The following RCSD1 variants were observed in gnomAD, a reference collection of about 807,000 sequenced individuals.
RCSD1 encodes the protein capZ-interacting protein.
In RCSD1, 26 loss-of-function variants were observed where a neutral mutation model predicts 42.5. The ratio of observed to expected loss-of-function variants is 0.61; its 90% confidence interval spans 0.45 to 0.85. The LOEUF is 0.85. Among genes scored for constraint, RCSD1 ranks in the 40% least tolerant of loss-of-function variants. RCSD1 has a pLI of 0.00. For missense variants in RCSD1, 571 were observed against 528.3 expected, an observed-to-expected ratio of 1.08 and a Z score of -0.79; for synonymous variants, 220 against 212.2, an observed-to-expected ratio of 1.04 and a Z score of -0.32.
At chr1:167,683,844 G>A in intron 1 of RCSD1, 56 bp from the exon 2 acceptor site, 2 of 1,521,846 alleles carry the variant, frequency 1.3e-6, no homozygotes, top group Middle Eastern at 1.7e-4. Context: ...CAGGTGCCTT[G>A]CATGGCATCT....
At chr1:167,635,523 A>G (rs1193836419) in intron 1 of RCSD1, among the ~76,000 whole-genome samples, 7 of 152,160 alleles carry the variant, frequency 4.6e-5, no homozygotes, top group Admixed American at 3.3e-4. Context: ...GTGGCTCCTC[A>G]CAGCACTGCG....
intron 4 of RCSD1, among the ~76,000 whole-genome samples, chr1:167,691,700 G>A (rs1659381619): frequency 6.6e-6 from 1 of 152,256 alleles, no homozygotes; most frequent in South Asian, 2.1e-4. Flanking sequence ...CAGCCTGACT[G>A]GGGGTTAAGG....
chr1:167,636,865 C>A (rs1657872764), intron 1 of RCSD1, among the ~76,000 whole-genome samples: 1 of 152,152 alleles, frequency 6.6e-6, no homozygotes. Flanking sequence ...GGATTACAGG[C>A]CACCACGCCT....
intron 1 of RCSD1, among the ~76,000 whole-genome samples, chr1:167,644,972 G>A (rs1658097580): frequency 6.6e-6 from 1 of 152,212 alleles, no homozygotes; most frequent in Non-Finnish European, 1.5e-5. Flanking sequence ...AGTGCAGGTT[G>A]AACTACCTTG....
chr1:167,680,150 C>T (rs570553241), intron 1 of RCSD1, among the ~76,000 whole-genome samples: 1 of 151,998 alleles, frequency 6.6e-6, no homozygotes, highest in East Asian at 1.9e-4. Flanking sequence ...TACAGGCCTG[C>T]GATCTGTAAA....
Position 167,697,749 on chromosome 1 carries a change from A to T in RCSD1, c.1125A>T (p.Ala375=). ...GCAAGGAAAAACAACAGGAGGGGGC[A>T]GTGCTCGAGCCAGGCTGCAGCCCCC... ...EKGKEKQQEG[A]VLEPGCSPQT... The change falls in exon 6 of 7, where the codon GCA becomes GCT. Residue 375 remains alanine (A), a synonymous_variant. Transcript: ENST00000367854. 1 of 1,550,640 alleles carries T rather than the reference A, an allele frequency of 6.4e-7. No individual in the cohort carries two copies. The highest frequency in any genetic ancestry group is 8.7e-7 in the Non-Finnish European group (1 of 1,150,578).
intron 4 of RCSD1, 41 bp downstream of exon 4, chr1:167,690,161 A>G (rs1426941529): frequency 1.3e-6 from 2 of 1,591,164 alleles, no homozygotes; most frequent in South Asian, 2.2e-5. Context: ...CTTTTATCTA[A>G]CTCCACTTCT....
At position 167,674,195 on chromosome 1, in the gene RCSD1, C is replaced by T. The variant is rs558454112; in HGVS notation, c.7-9705C>T. Among the ~76,000 whole-genome samples, 3 of 152,282 alleles carry T rather than the reference C, an allele frequency of 2.0e-5. No homozygotes were observed. In the East Asian group the frequency reaches 5.8e-4, roughly 29 times the overall value. ...GACTGAGTGCCCCCTCAAGCCAGACCCTTCACAGGTACTTGACATGAAACT... is the reference window on the plus strand; with the variant it reads ...GACTGAGTGCCCCCTCAAGCCAGACTCTTCACAGGTACTTGACATGAAACT... On this transcript the variant is annotated intron_variant, in intron 1 of 6. Transcript: ENST00000367854.
chr1:167,689,942 G>C, intron 3 of RCSD1, 107 bp from the exon 4 acceptor site: 3 of 1,043,928 alleles, frequency 2.9e-6, no homozygotes, highest in Non-Finnish European at 4.4e-6. Context: ...TGAGAAAGTG[G>C]CAACACCAAC....
chr1:167,703,756 G>C (rs908595975), intron 6 of RCSD1, among the ~76,000 whole-genome samples: 11 of 152,162 alleles, frequency 7.2e-5, no homozygotes, highest in Non-Finnish European at 8.8e-5. Flanking sequence ...GCTCCAGCCA[G>C]CCTGCACCCT....
chr1:167,693,044 G>T (rs1202742368), intron 4 of RCSD1, among the ~76,000 whole-genome samples: 1 of 152,210 alleles, frequency 6.6e-6, no homozygotes. Flanking sequence ...CTTGCTGAAG[G>T]CCTGAAGGTC....
At position 167,653,381 on chromosome 1, in the gene RCSD1, T is replaced by C. The variant is rs146889750; in HGVS notation, c.6+22952T>C. 8.6e-3 allele frequency among the ~76,000 whole-genome samples: 1,304 copies of C among 152,328 alleles called. 14 individuals carry two copies. The highest frequency in any genetic ancestry group is 0.03 in the African/African-American group (1,248 of 41,572). Reference sequence around the variant, plus strand: ...AATCTGCTTTTATGAAAGCAGTGGTTCTCAACTCTGGATTCCTGTTAGAGT... The same window carrying C: ...AATCTGCTTTTATGAAAGCAGTGGTCCTCAACTCTGGATTCCTGTTAGAGT... On this transcript the variant is annotated intron_variant, in intron 1 of 6. Coordinates refer to ENST00000367854, the MANE Select transcript of RCSD1 (RefSeq NM_052862.4).
intron 6 of RCSD1, among the ~76,000 whole-genome samples, chr1:167,700,014 AT>A (rs1178241984): frequency 1.3e-5 from 2 of 152,156 alleles, no homozygotes; most frequent in Admixed American, 1.3e-4. Flanking sequence ...TCTCCTGTGT[AT>A]TTTTTAATTG....
Position 167,697,106 on chromosome 1 carries a change from C to G in RCSD1, c.482C>G (p.Thr161Arg), listed in dbSNP as rs544547684. The G allele has an allele frequency of 6.2e-7, 1 of 1,612,298 alleles. No homozygotes were observed. Among genetic ancestry groups the G allele is most frequent in the Admixed American group, 1.7e-5 (1 of 59,728 alleles). Reference sequence around the variant, plus strand: ...CTTAACACTTTCTTCTAGGTGCGGACGAGGGGCTCAATAAAAAGGCGCCCT... The same window carrying G: ...CTTAACACTTTCTTCTAGGTGCGGAGGAGGGGCTCAATAAAAAGGCGCCCT... Reference protein sequence around the residue: ...SHLPCYNKVRTRGSIKRRPPS... With the variant: ...SHLPCYNKVRRRGSIKRRPPS... The change falls in exon 6 of 7, where the codon ACG becomes AGG. Residue 161 changes from threonine (T) to arginine (R), a missense_variant. Thr to Arg is a moderately conservative substitution (Grantham distance 71). Coordinates refer to ENST00000367854, the MANE Select transcript of RCSD1 (RefSeq NM_052862.4).
intron 1 of RCSD1, among the ~76,000 whole-genome samples, chr1:167,639,790 G>A (rs12023444): frequency 0.15 from 23,290 of 152,232 alleles, 2,164 homozygotes; most frequent in Non-Finnish European, 0.19. Flanking sequence ...CATGATGCCC[G>A]GCCCATTCTC....
At chr1:167,657,982 C>G (rs1177570645) in intron 1 of RCSD1, among the ~76,000 whole-genome samples, 1 of 152,000 alleles carries the variant, frequency 6.6e-6, no homozygotes, top group Admixed American at 6.6e-5. Context: ...GGCTGGAGTG[C>G]AGTGGTGCGA....
chr1:167,697,290 A>G lies in RCSD1; in HGVS notation c.666A>G (p.Gly222=), dbSNP rs766066511. The G allele has an allele frequency of 6.2e-7, 1 of 1,614,076 alleles. No homozygotes were observed. Among genetic ancestry groups the G allele is most frequent in the Non-Finnish European group, 8.5e-7 (1 of 1,180,016 alleles). ...CAGGATCCCCTTTGTCCAGTGAGGG[A>G]GCAGCGGGAGAGGGAGTGAGAACCC... ...KAPGSPLSSE[G]AAGEGVRTLG... The change falls in exon 6 of 7, where the codon GGA becomes GGG. Residue 222 remains glycine, a synonymous_variant. Transcript: ENST00000367854.
At chr1:167,645,364 T>C (rs1409876495) in intron 1 of RCSD1, among the ~76,000 whole-genome samples, 1 of 152,236 alleles carries the variant, frequency 6.6e-6, no homozygotes, top group East Asian at 1.9e-4. Flanking sequence ...TCTGGATTCC[T>C]GGAGGGAGTA....
chr1:167,677,786 T>A (rs992335128), intron 1 of RCSD1, among the ~76,000 whole-genome samples: 3 of 152,222 alleles, frequency 2.0e-5, no homozygotes, highest in African/African-American at 7.2e-5. Context: ...CCTGTGAAGA[T>A]AAGCTATCAA....
Sources: allele counts gnomAD v4.1 joint callset (sites outside exome capture counted in the v4.1 genomes callset), GRCh38; gene constraint gnomAD v4.1.1; transcripts MANE v1.5; gene names NCBI Gene and HGNC (gene_info 2026-07-23, HGNC 2026-07-21).